ZMYM2: variants seen among roughly 807,000 people sequenced by gnomAD.
ZMYM2 encodes zinc finger MYM-type protein 2.
In ZMYM2, 56 loss-of-function variants were observed where a neutral mutation model predicts 162.8. The observed-to-expected ratio is 0.34, with a 90% CI of 0.28 to 0.43. ZMYM2 has a LOEUF of 0.43. Ranked by LOEUF, ZMYM2 falls within the 20% of genes least tolerant of loss-of-function variation. ZMYM2 has a pLI of 1.00. For missense variants in ZMYM2, 1,275 were observed against 1,621.8 expected, an observed-to-expected ratio of 0.79 and a Z score of 3.67; for synonymous variants, 510 against 541.6, an observed-to-expected ratio of 0.94 and a Z score of 0.81.
chr13:20,042,177 T>A (rs1373250522), intron 12 of ZMYM2, among the ~76,000 whole-genome samples: 1 of 152,186 alleles, frequency 6.6e-6, no homozygotes, highest in Non-Finnish European at 1.5e-5. Context: ...ACTCTCCCCA[T>A]CTCTTTCAGG....
At chr13:19,980,464 G>T (rs1259054861) in intron 2 of ZMYM2, among the ~76,000 whole-genome samples, 1 of 151,556 alleles carries the variant, frequency 6.6e-6, no homozygotes, top group Non-Finnish European at 1.5e-5. Flanking sequence ...GAATTTTCCT[G>T]TTCTTGGCTG....
chr13:20,041,192 C>CT (rs1954215308), intron 12 of ZMYM2, among the ~76,000 whole-genome samples: 1 of 152,124 alleles, frequency 6.6e-6, no homozygotes, highest in Admixed American at 6.5e-5. Flanking sequence ...GTCTAGGAGT[C>CT]TAAGTCTCTT....
At chr13:19,875,760 G>C in the ZMYM2 span, among the ~76,000 whole-genome samples, 2 of 151,790 alleles carry the variant, frequency 1.3e-5, no homozygotes, top group Admixed American at 6.6e-5. Context: ...TCCCTTATGA[G>C]AGCTAAACAT....
At chr13:20,056,421 T>C (rs1360663527) in intron 14 of ZMYM2, among the ~76,000 whole-genome samples, 5 of 152,198 alleles carry the variant, frequency 3.3e-5, no homozygotes, top group African/African-American at 9.7e-5. Flanking sequence ...GGAGTTCTTT[T>C]CATGCCCCCA....
At position 19,986,177 on chromosome 13, in the gene ZMYM2, A is replaced by G. The variant is rs556592285; in HGVS notation, c.-10-6886A>G. Among the ~76,000 whole-genome samples the G allele has an allele frequency of 5.1e-4, 76 of 150,330 alleles. 1 individual carries two copies. Among genetic ancestry groups the G allele is most frequent in the South Asian group, 3.6e-3 (17 of 4,728 alleles). ...GCACCACTGCTCTCCAGCCTAGGCA[A>G]TAGAGCCAGACTCTCTCAAAAAAAC... On this transcript the variant is annotated intron_variant, in intron 2 of 24. Transcript: ENST00000610343.
At chr13:20,059,386 T>C in intron 15 of ZMYM2, 61 bp from the exon 16 acceptor site, 1 of 1,562,686 alleles carries the variant, frequency 6.4e-7, no homozygotes, top group Non-Finnish European at 8.7e-7. Flanking sequence ...TATTTTAACA[T>C]TGAGCACCTG....
intron 19 of ZMYM2, among the ~76,000 whole-genome samples, chr13:20,065,812 G>A: frequency 6.6e-6 from 1 of 151,926 alleles, no homozygotes; most frequent in East Asian, 1.9e-4. Context: ...ACCTGGCAGG[G>A]GAGATACCGT....
intron 12 of ZMYM2, among the ~76,000 whole-genome samples, chr13:20,044,696 T>C (rs761705795): frequency 6.6e-6 from 1 of 152,300 alleles, no homozygotes; most frequent in African/African-American, 2.4e-5. Context: ...TTAATTCCTA[T>C]GTTGATAACA....
chr13:20,036,094 C>G (rs770411738), intron 11 of ZMYM2, among the ~76,000 whole-genome samples: 17 of 152,036 alleles, frequency 1.1e-4, no homozygotes, highest in Non-Finnish European at 2.2e-4. Flanking sequence ...GTAAGTCATT[C>G]TACTTACATA....
intron 21 of ZMYM2, among the ~76,000 whole-genome samples, chr13:20,081,796 G>A (rs1162297385): frequency 6.6e-6 from 1 of 151,926 alleles, no homozygotes; most frequent in Non-Finnish European, 1.5e-5. Flanking sequence ...TGATTCTGGG[G>A]TGTGTATTTC....
chr13:19,993,460 G>C lies in ZMYM2; in HGVS notation c.388G>C (p.Gly130Arg), dbSNP rs769052996. Residue 130 changes from glycine to arginine, a missense_variant, in exon 3 of 25, where the codon GGG becomes CGG. Gly to Arg is a moderately radical substitution (Grantham distance 125). Transcript: ENST00000610343. Reference sequence around the variant, plus strand: ...TGAAGAGGACATGGAAACAAATCAAGGGCAAGAGAAAAATTCCTCCAATTT... The same window carrying C: ...TGAAGAGGACATGGAAACAAATCAACGGCAAGAGAAAAATTCCTCCAATTT... ...DDEEDMETNQ[G>R]QEKNSSNFIE... 13 of 1,613,886 alleles carry C rather than the reference G, an allele frequency of 8.1e-6. No homozygotes were observed. The African/African-American group carries it at 1.3e-4, about 17-fold the overall frequency.
At chr13:20,030,197 A>C (rs1952962445) in intron 9 of ZMYM2, among the ~76,000 whole-genome samples, 2 of 151,020 alleles carry the variant, frequency 1.3e-5, no homozygotes, top group African/African-American at 4.9e-5. Flanking sequence ...GAAGTGATCA[A>C]TTTTTAAATG....
At chr13:20,082,682 G>A in intron 22 of ZMYM2, 99 bp from the exon 23 acceptor site, 1 of 1,023,798 alleles carries the variant, frequency 9.8e-7, no homozygotes, top group Non-Finnish European at 1.4e-6. Context: ...AGGAGAATTG[G>A]TATAGATTTG....
the ZMYM2 span, among the ~76,000 whole-genome samples, chr13:19,929,248 C>CAT: frequency 1.3e-5 from 2 of 150,514 alleles, no homozygotes; most frequent in Non-Finnish European, 3.0e-5. Flanking sequence ...TCCTTTTCTC[C>CAT]TTTTTTTTGA....
At chr13:19,962,261 C>T (rs974441324) in intron 2 of ZMYM2, among the ~76,000 whole-genome samples, 1 of 151,852 alleles carries the variant, frequency 6.6e-6, no homozygotes, top group Admixed American at 6.6e-5. Context: ...AATATTAATG[C>T]ATTTGAGACA....
At chr13:20,006,661 A>G (rs1433805420) in intron 6 of ZMYM2, 75 bp downstream of exon 6, 2 of 1,405,750 alleles carry the variant, frequency 1.4e-6, no homozygotes, top group Non-Finnish European at 2.0e-6. Flanking sequence ...TTACTCTAAC[A>G]GTGTTTATTA....
chr13:19,879,572 C>A, the ZMYM2 span, among the ~76,000 whole-genome samples: 80 of 152,326 alleles, frequency 5.3e-4, no homozygotes, highest in Non-Finnish European at 9.1e-4. Context: ...AGTTTGAAAG[C>A]AGGAAGCGAG....
At chr13:19,971,244 G>GTGTATATATATATATATATATA (rs5802035) in intron 2 of ZMYM2, among the ~76,000 whole-genome samples, 3 of 50,134 alleles carry the variant, frequency 6.0e-5, no homozygotes, top group Admixed American at 2.9e-4. Context: ...GTGTGTGTGT[G>GTGTATATATATATATATATATA]TATATATATA....
At chr13:20,068,257 A>G (rs2140899007) in intron 21 of ZMYM2, 2 of 179,560 alleles carry the variant, frequency 1.1e-5, no homozygotes, top group South Asian at 4.0e-4. Context: ...TTTGAGCCTC[A>G]TGCTTAGATG....
Sources: gnomAD v4.1 joint callset for allele counts (sites outside exome capture counted in the v4.1 genomes callset) on GRCh38, gnomAD v4.1.1 for gene constraint, MANE v1.5 for transcripts, NCBI Gene and HGNC (gene_info 2026-07-23, HGNC 2026-07-21) for gene names.